Variants in ABCB4 observed in about 807,000 individuals in gnomAD.
ABCB4 encodes ATP binding cassette subfamily B member 4, also known as phosphatidylcholine translocator ABCB4.
ABCB4 carries 76 observed loss-of-function variants against 145.7 expected under a neutral mutation model. That is an observed-to-expected ratio of 0.52 (90% CI 0.43 to 0.63). The LOEUF (loss-of-function observed/expected upper bound fraction) is 0.63, where lower values mean the gene tolerates loss of function less well. Among genes scored for constraint, ABCB4 ranks in the 30% least tolerant of loss-of-function variants. The pLI is 0.00. For missense variants in ABCB4, 1,234 were observed against 1,553.1 expected (o/e 0.79, Z 3.45); for synonymous variants, 517 against 566.8 (o/e 0.91, Z 1.25).
downstream of ABCB4, chr7:87,398,861 A>G (rs1305706579): frequency 3.8e-6 from 2 of 531,614 alleles, no homozygotes; most frequent in East Asian, 6.6e-5. Flanking sequence ...ATGCAGCAGC[A>G]ATGCAAATTA....
intron 3 of ABCB4, 129 bp downstream of exon 3, chr7:87,472,491 TG>T: frequency 1.2e-6 from 1 of 808,560 alleles, no homozygotes; most frequent in Non-Finnish European, 2.1e-6. Context: ...CCCAAAGTGC[TG>T]GGATTACAAG....
intron 14 of ABCB4, among the ~76,000 whole-genome samples, chr7:87,438,723 TGG>T (rs1227898583): frequency 6.6e-6 from 1 of 152,096 alleles, no homozygotes; most frequent in African/African-American, 2.4e-5. Context: ...CACTCCACGC[TGG>T]GTGACAGAGC....
the ABCB4 span, chr7:87,375,671 T>TGATGGACCTGG: frequency 6.2e-7 from 1 of 1,613,556 alleles, no homozygotes; most frequent in Non-Finnish European, 8.5e-7. Context: ...ATAGTGAACC[T>TGATGGACCTGG]GATGGACCTG....
chr7:87,387,029 T>C, the ABCB4 span, among the ~76,000 whole-genome samples: 2 of 152,044 alleles, frequency 1.3e-5, no homozygotes, highest in Admixed American at 1.3e-4. Flanking sequence ...ACATGCGGCC[T>C]GGCAGCTTGA....
At chr7:87,400,380 A>G (rs915589097), downstream of ABCB4, among the ~76,000 whole-genome samples, 3 of 152,226 alleles carry the variant, frequency 2.0e-5, no homozygotes, top group African/African-American at 7.2e-5. Context: ...AGAAACATGT[A>G]CGCTCTGAAT....
chr7:87,446,953 G>A, intron 9 of ABCB4, 81 bp downstream of exon 9: 5 of 1,303,694 alleles, frequency 3.8e-6, no homozygotes, highest in East Asian at 2.3e-5. Context: ...CTTTCAAAAA[G>A]GAGCGATATC....
chr7:87,454,995 ATT>A (rs112701680), intron 4 of ABCB4, among the ~76,000 whole-genome samples: 8 of 147,316 alleles, frequency 5.4e-5, no homozygotes, highest in African/African-American at 7.4e-5. Flanking sequence ...TTTAAGAGGC[ATT>A]TTTTTTTTTT....
chr7:87,435,177 T>C (rs1458917687), intron 14 of ABCB4, among the ~76,000 whole-genome samples: 1 of 152,230 alleles, frequency 6.6e-6, no homozygotes, highest in Admixed American at 6.5e-5. Flanking sequence ...AACTGATTGA[T>C]TGGTATCTTC....
At chr7:87,410,710 A>G (rs1301084954) in intron 23 of ABCB4, among the ~76,000 whole-genome samples, 3 of 152,058 alleles carry the variant, frequency 2.0e-5, no homozygotes, top group African/African-American at 4.8e-5. Context: ...CCCCTACTCC[A>G]TGTCTGGGGA....
the ABCB4 span, chr7:87,375,602 T>C: frequency 6.5e-7 from 1 of 1,548,452 alleles, no homozygotes; most frequent in African/African-American, 1.4e-5. Flanking sequence ...GCCTGTACTC[T>C]TTTTTAATCT....
At chr7:87,403,072 T>G (rs1807920660) in intron 27 of ABCB4, 63 bp downstream of exon 27, 1 of 1,570,128 alleles carries the variant, frequency 6.4e-7, no homozygotes, top group Admixed American at 1.7e-5. Flanking sequence ...TTTTCATGGT[T>G]GACAGCAAAA....
Position 87,472,678 on chromosome 7 carries a change from G to A in ABCB4, c.81-3C>T. ...TCGTTTTTTTCCTTTTTTGTTTGCT[G>A]TAAAAAATAGAATTGCTTCAATTTA... On this transcript the variant is annotated splice_region_variant and splice_polypyrimidine_tract_variant and intron_variant, in intron 2 of 27. Coordinates refer to ENST00000649586, the MANE Select transcript of ABCB4 (RefSeq NM_000443.4). 4.4e-6 allele frequency: 7 copies of A among 1,585,774 alleles called. No homozygotes were observed. The highest frequency in any genetic ancestry group is 6.1e-6 in the Non-Finnish European group (7 of 1,155,226).
Position 87,472,693 on chromosome 7 carries a change from G to A in ABCB4, c.81-18C>T, listed in dbSNP as rs748804317. 1 of 1,536,982 alleles carries A rather than the reference G, an allele frequency of 6.5e-7. No individual in the cohort carries two copies. Among genetic ancestry groups the A allele is most frequent in the East Asian group, 2.3e-5 (1 of 44,326 alleles). On this transcript the variant is annotated intron_variant, in intron 2 of 27. Coordinates refer to ENST00000649586, the MANE Select transcript of ABCB4 (RefSeq NM_000443.4). ...TTTGTTTGCTGTAAAAAATAGAATT[G>A]CTTCAATTTAAAACTGTTACAAAAT...
chr7:87,457,372 T>C (rs558745222), intron 4 of ABCB4, among the ~76,000 whole-genome samples: 1 of 152,288 alleles, frequency 6.6e-6, no homozygotes, highest in African/African-American at 2.4e-5. Flanking sequence ...ATCACTTCAC[T>C]GCACTCTAGC....
At chr7:87,411,292 G>A (rs571433193) in intron 23 of ABCB4, among the ~76,000 whole-genome samples, 1 of 152,102 alleles carries the variant, frequency 6.6e-6, no homozygotes, top group Non-Finnish European at 1.5e-5. Flanking sequence ...CTTAAAAAGA[G>A]TTGCTTCCCT....
intron 13 of ABCB4, 144 bp from the exon 14 acceptor site, chr7:87,439,981 G>A (rs1468277054): frequency 6.2e-6 from 8 of 1,291,044 alleles, no homozygotes; most frequent in Non-Finnish European, 8.6e-6. Flanking sequence ...AATGAATTCT[G>A]AATTATAAAA....
chr7:87,451,535 T>C, intron 7 of ABCB4, 88 bp downstream of exon 7: 1 of 1,439,580 alleles, frequency 6.9e-7, no homozygotes, highest in Non-Finnish European at 9.7e-7. Flanking sequence ...AATGTAGACC[T>C]GAACAGGTAC....
the ABCB4 span, chr7:87,375,598 A>G: frequency 6.6e-7 from 1 of 1,504,762 alleles, no homozygotes; most frequent in South Asian, 1.1e-5. Context: ...TTCTGCCTGT[A>G]CTCTTTTTTA....
intron 25 of ABCB4, among the ~76,000 whole-genome samples, chr7:87,407,481 A>G (rs1808282908): frequency 6.6e-6 from 1 of 152,250 alleles, no homozygotes; most frequent in Admixed American, 6.5e-5. Flanking sequence ...TGCTGTCCCA[A>G]GGTTATGGCA....
Sources: gnomAD v4.1 joint callset for allele counts (sites outside exome capture counted in the v4.1 genomes callset) on GRCh38, gnomAD v4.1.1 for gene constraint, MANE v1.5 for transcripts, NCBI Gene and HGNC (gene_info 2026-07-23, HGNC 2026-07-21) for gene names.